The following NCKIPSD variants were observed in gnomAD, a reference collection of about 807,000 sequenced individuals.
NCKIPSD encodes the protein NCK-interacting protein with SH3 domain.
Under a neutral mutation model 73.4 loss-of-function variants are expected in NCKIPSD, and 48 were observed. The ratio of observed to expected loss-of-function variants is 0.65; its 90% CI spans 0.52 to 0.83. The LOEUF is 0.83. Ranked by LOEUF, NCKIPSD falls within the 40% of genes least tolerant of loss-of-function variation. NCKIPSD has a pLI of 0.00. For synonymous variants in NCKIPSD, 422 were observed against 403.6 expected, an observed-to-expected ratio of 1.05 and a Z score of -0.54; for missense variants, 884 against 970.2, an observed-to-expected ratio of 0.91 and a Z score of 1.18.
At chr3:48,675,291 G>C (rs1411865110) in intron 12 of NCKIPSD, among the ~76,000 whole-genome samples, 1 of 151,818 alleles carries the variant, frequency 6.6e-6, no homozygotes, top group Non-Finnish European at 1.5e-5. Flanking sequence ...CCTTTAGAAA[G>C]AGCACTGTTG....
intron 12 of NCKIPSD, among the ~76,000 whole-genome samples, chr3:48,677,708 C>T (rs1326561197): frequency 6.6e-6 from 1 of 152,196 alleles, no homozygotes; most frequent in Non-Finnish European, 1.5e-5. Context: ...GATCGTCTTC[C>T]TCTAAACATG....
chr3:48,676,793 A>G (rs1403140031), intron 12 of NCKIPSD, among the ~76,000 whole-genome samples: 1 of 151,700 alleles, frequency 6.6e-6, no homozygotes, highest in Non-Finnish European at 1.5e-5. Flanking sequence ...GCACCTGGCC[A>G]ACATCCCCCA....
chr3:48,673,941 C>T lies in NCKIPSD; in HGVS notation c.*603G>A, dbSNP rs574362260. 953 of 1,064,356 alleles carry T rather than the reference C, an allele frequency of 9.0e-4. No homozygotes were observed. The highest frequency in any genetic ancestry group is 2.0e-3 in the South Asian group (44 of 22,028). 65.9% of individuals were successfully genotyped at this position (1,064,356 alleles called of 1,614,324 possible). On this transcript the variant is annotated 3_prime_UTR_variant, in exon 13 of 13. Transcript: ENST00000294129. ...TACATTTTTACAGAGAAAAGAGATT[C>T]GGTCATTGGCTTTCTCAGTGCCATC...
intron 12 of NCKIPSD, among the ~76,000 whole-genome samples, chr3:48,677,505 T>C (rs941066758): frequency 1.3e-5 from 2 of 151,470 alleles, no homozygotes; most frequent in African/African-American, 4.9e-5. Context: ...TTCACAAGAG[T>C]TGTCTCCATT....
intron 6 of NCKIPSD, 42 bp from the exon 7 acceptor site, chr3:48,679,929 G>A (rs374389466): frequency 6.2e-7 from 1 of 1,612,866 alleles, no homozygotes; most frequent in Non-Finnish European, 8.5e-7. Context: ...ACCATGAGCG[G>A]AGCTGTGCAG....
chr3:48,682,345 C>G lies in NCKIPSD; in HGVS notation c.486+3G>C, dbSNP rs367890864. The G allele has an allele frequency of 3.8e-4, 619 of 1,613,946 alleles. 5 individuals carry two copies. In the South Asian group the frequency reaches 6.4e-3, roughly 17 times the overall value. On this transcript the variant is annotated splice_donor_region_variant and intron_variant, in intron 3 of 12. Transcript: ENST00000294129. Reference sequence around the variant, plus strand: ...CCTTCTCCACGATGTCCTCCCCACACACCTGGTAGAGGCCTCCATCTGCCC... The same window carrying G: ...CCTTCTCCACGATGTCCTCCCCACAGACCTGGTAGAGGCCTCCATCTGCCC...
At position 48,682,161 on chromosome 3, in the gene NCKIPSD, A is replaced by G. The variant is rs970094967; in HGVS notation, c.487-5T>C. 4 of 1,595,540 alleles carry G rather than the reference A, an allele frequency of 2.5e-6. No homozygotes were observed. The highest frequency in any genetic ancestry group is 3.4e-6 in the Non-Finnish European group (4 of 1,177,292). ...CTGGGAAGATGGAAGTGGGATCTGGAAGATGGAAGTAGGATCTTGGAGGAC... is the reference window on the plus strand; with the variant it reads ...CTGGGAAGATGGAAGTGGGATCTGGGAGATGGAAGTAGGATCTTGGAGGAC... On this transcript the variant is annotated splice_polypyrimidine_tract_variant and splice_region_variant and intron_variant, in intron 3 of 12. Coordinates refer to ENST00000294129, the MANE Select transcript of NCKIPSD (RefSeq NM_016453.4).
chr3:48,684,655 G>A lies in NCKIPSD; in HGVS notation c.171+982C>T, dbSNP rs915116879. On this transcript the variant is annotated intron_variant, in intron 1 of 12. Transcript: ENST00000294129. The stretch of plus-strand genomic sequence containing the variant: ...TGTCTGGCACAGGCCCGGCAGCTCT[G>A]GGCCCTTCTTCCCCCTGTGGTCAGA... Among the ~76,000 whole-genome samples the A allele has an allele frequency of 2.0e-5, 3 of 152,212 alleles. No homozygotes were observed. The East Asian group carries it at 5.8e-4, about 29-fold the overall frequency.
At chr3:48,678,076 C>T (rs1272429263) in intron 12 of NCKIPSD, among the ~76,000 whole-genome samples, 1 of 152,282 alleles carries the variant, frequency 6.6e-6, no homozygotes, top group African/African-American at 2.4e-5. Context: ...CAAGATAAAT[C>T]AAGTGGCAAG....
rs1378416599 is a variant in NCKIPSD, at chr3:48,674,505, C to A, written c.*39G>T. 1 of 1,554,770 alleles carries A rather than the reference C, an allele frequency of 6.4e-7. No homozygotes were observed. Among genetic ancestry groups the A allele is most frequent in the Non-Finnish European group, 8.7e-7 (1 of 1,149,016 alleles). ...GGGCCAAGCCCCTGAGTCCCCTGCA[C>A]ACTGACTGGAGCTGCAGGGAAGGGA... On this transcript the variant is annotated 3_prime_UTR_variant, in exon 13 of 13. Coordinates refer to ENST00000294129, the MANE Select transcript of NCKIPSD (RefSeq NM_016453.4).
rs755651497 is a variant in NCKIPSD at position 48,674,495 on chromosome 3, G to C, written c.*49C>G. The C allele has an allele frequency of 1.6e-5, 24 of 1,545,694 alleles. No homozygotes were observed. Among genetic ancestry groups the C allele is most frequent in the Non-Finnish European group, 2.1e-5 (24 of 1,144,176 alleles). ...AACATTCTTAGGGCCAAGCCCCTGA[G>C]TCCCCTGCACACTGACTGGAGCTGC... is the stretch of plus-strand genomic sequence containing the variant. On this transcript the variant is annotated 3_prime_UTR_variant, in exon 13 of 13. Transcript: ENST00000294129.
intron 1 of NCKIPSD, among the ~76,000 whole-genome samples, chr3:48,684,669 C>T (rs534817494): frequency 6.6e-6 from 1 of 152,336 alleles, no homozygotes; most frequent in South Asian, 2.1e-4. Flanking sequence ...CCTTCTTCCC[C>T]CTGTGGTCAG....
At chr3:48,678,468 G>T in intron 12 of NCKIPSD, 96 bp downstream of exon 12, 1 of 1,429,430 alleles carries the variant, frequency 7.0e-7, no homozygotes, top group Non-Finnish European at 9.3e-7. Context: ...TCCAGCAGTG[G>T]CCTTGCCCCC....
intron 1 of NCKIPSD, among the ~76,000 whole-genome samples, chr3:48,683,946 G>T (rs962329319): frequency 6.6e-6 from 1 of 151,338 alleles, no homozygotes; most frequent in African/African-American, 2.4e-5. Context: ...CCAGAGTGCA[G>T]GGAGAGGAGA....
rs1349618866 is a variant in NCKIPSD at position 48,678,718 on chromosome 3, A to G, written c.1811T>C (p.Phe604Ser). 1 of 1,613,686 alleles carries G rather than the reference A, an allele frequency of 6.2e-7. No individual in the cohort carries two copies. Among genetic ancestry groups the G allele is most frequent in the Non-Finnish European group, 8.5e-7 (1 of 1,179,816 alleles). ...GTGTGGTGGCTGTGGCTCATGTTTG[A>G]AGATGCGCACAGGGTCATCTAGGAG... ...LNRGDDPVRI[F>S]KHEPQPPHSV... Residue 604 changes from phenylalanine to serine, a missense_variant, in exon 12 of 13, where the codon TTC (phenylalanine) becomes TCC (serine). Coordinates refer to ENST00000294129, the MANE Select transcript of NCKIPSD (RefSeq NM_016453.4).
chr3:48,681,213 A>G (rs1289125722), intron 5 of NCKIPSD, 74 bp downstream of exon 5: 1 of 1,502,014 alleles, frequency 6.7e-7, no homozygotes, highest in Non-Finnish European at 8.8e-7. Context: ...CCTGTAATGT[A>G]CAGGCTGGAC....
At position 48,674,415 on chromosome 3, in the gene NCKIPSD, G is replaced by T. The variant is rs1260926283; in HGVS notation, c.*129C>A. The T allele has an allele frequency of 1.4e-6, 2 of 1,467,750 alleles. No individual in the cohort carries two copies. The highest frequency in any genetic ancestry group is 4.5e-5 in the Admixed American group (2 of 44,880). The allele number at this position is 1,467,750 out of a possible 1,614,324, so 90.9% of individuals were successfully genotyped here. A position where few individuals can be genotyped will look rare whatever the true frequency, so the allele number is the denominator to read the frequency against. ...CCCTCTCTTAAGTTCTACTTCAGGT[G>T]GGGGTCCTGCTCAGGTTCCTTCTGC... On this transcript the variant is annotated 3_prime_UTR_variant, in exon 13 of 13. Transcript: ENST00000294129.
chr3:48,680,799 C>T (rs2077338614), intron 5 of NCKIPSD, among the ~76,000 whole-genome samples: 1 of 152,132 alleles, frequency 6.6e-6, no homozygotes, highest in Non-Finnish European at 1.5e-5. Context: ...GATGCCCACA[C>T]ACCTCACTCC....
Position 48,674,046 on chromosome 3 carries a change from TG to T in NCKIPSD, c.*497del. The T allele has an allele frequency of 9.3e-7, 1 of 1,072,326 alleles. No individual in the cohort carries two copies. The highest frequency in any genetic ancestry group is 4.9e-5 in the East Asian group (1 of 20,416). 66.4% of individuals were successfully genotyped at this position (1,072,326 alleles called of 1,614,324 possible). A position where few individuals can be genotyped will look rare whatever the true frequency, so the allele number is the denominator to read the frequency against. ...AAAGCAGCAGCTTGGCCAAGGCCTCTGGGGGTAGGAGTGAAGGGCAGCGACC... is the reference window on the plus strand; with the variant it reads ...AAAGCAGCAGCTTGGCCAAGGCCTCTGGGGTAGGAGTGAAGGGCAGCGACC... On this transcript the variant is annotated 3_prime_UTR_variant, in exon 13 of 13. Coordinates refer to ENST00000294129, the MANE Select transcript of NCKIPSD (RefSeq NM_016453.4).
Sources: gnomAD v4.1 joint callset for allele counts (sites outside exome capture counted in the v4.1 genomes callset) on GRCh38, gnomAD v4.1.1 for gene constraint, MANE v1.5 for transcripts, NCBI Gene and HGNC (gene_info 2026-07-23, HGNC 2026-07-21) for gene names.